CYRIB: variants seen among roughly 807,000 people sequenced by gnomAD.
CYRIB encodes the protein CYFIP-related Rac1 interactor B.
CYRIB carries 8 observed loss-of-function variants against 44.2 expected under a neutral mutation model. That is an observed-to-expected ratio of 0.18 (90% CI 0.11 to 0.33). The LOEUF (loss-of-function observed/expected upper bound fraction) is 0.33. Among genes scored for constraint, CYRIB ranks in the 10% least tolerant of loss-of-function variants. The probability of loss-of-function intolerance (pLI) is 1.00; values close to 1 mark genes in which losing one functional copy is unlikely to be tolerated. For missense variants in CYRIB, 185 were observed against 382.8 expected (o/e 0.48, Z 4.31); for synonymous variants, 131 against 127.2 (o/e 1.03, Z -0.20).
chr8:129,871,650 T>C (rs1301792835), intron 3 of CYRIB, among the ~76,000 whole-genome samples, 154 bp from the exon 6 acceptor site: 1 of 152,216 alleles, frequency 6.6e-6, no homozygotes, highest in Non-Finnish European at 1.5e-5. Context: ...TAATACTTTT[T>C]CCATAGTCCT....
At chr8:129,872,683 T>C (rs959728882) in intron 3 of CYRIB, among the ~76,000 whole-genome samples, 2 of 152,010 alleles carry the variant, frequency 1.3e-5, no homozygotes, top group Non-Finnish European at 2.9e-5. Context: ...AAATTTTCTC[T>C]TATGAGGGAA....
At chr8:129,964,862 C>A (rs925944408) in intron 2 of CYRIB, among the ~76,000 whole-genome samples, 2 of 152,142 alleles carry the variant, frequency 1.3e-5, no homozygotes, top group African/African-American at 4.8e-5. Flanking sequence ...CAAAAGTCTG[C>A]CTCCAAAGAA....
chr8:129,999,270 G>A (rs1298915856), intron 1 of CYRIB, among the ~76,000 whole-genome samples: 4 of 152,152 alleles, frequency 2.6e-5, no homozygotes, highest in African/African-American at 9.7e-5. Context: ...GGGAGGAGCC[G>A]ACCTTAGTCA....
chr8:129,956,333 T>C (rs2094829611), intron 2 of CYRIB, among the ~76,000 whole-genome samples: 2 of 152,182 alleles, frequency 1.3e-5, no homozygotes, highest in African/African-American at 4.8e-5. Flanking sequence ...TAACTTGTCC[T>C]GAACATTAGA....
chr8:129,987,554 GTCTTTTTTTTTT>G (rs1484746124), intron 1 of CYRIB, among the ~76,000 whole-genome samples: 3 of 119,116 alleles, frequency 2.5e-5, no homozygotes, highest in Non-Finnish European at 5.0e-5. Context: ...TCTTTTTCTT[GTCTTTTTTTTTT>G]TCTTTTTTTT....
At chr8:129,996,040 C>G (rs1035011676) in intron 1 of CYRIB, among the ~76,000 whole-genome samples, 13 of 152,232 alleles carry the variant, frequency 8.5e-5, no homozygotes, top group African/African-American at 3.1e-4. Flanking sequence ...TGCCCCTGCT[C>G]TACCCTCCAC....
chr8:129,843,576 G>C (rs183934307), intron 11 of CYRIB, among the ~76,000 whole-genome samples: 2 of 152,158 alleles, frequency 1.3e-5, no homozygotes, highest in African/African-American at 4.8e-5. Context: ...GGACTAGATC[G>C]TTTTTTCTAG....
At chr8:129,921,533 G>A (rs952328153) in intron 1 of CYRIB, among the ~76,000 whole-genome samples, 2 of 152,112 alleles carry the variant, frequency 1.3e-5, no homozygotes, top group African/African-American at 4.8e-5. Context: ...ACAGTTCACA[G>A]CAGCCTTAAT....
intron 1 of CYRIB, among the ~76,000 whole-genome samples, chr8:129,935,276 T>C (rs940477435): frequency 1.4e-4 from 22 of 152,208 alleles, no homozygotes; most frequent in African/African-American, 5.3e-4. Flanking sequence ...TTGGAAGGAA[T>C]AAATATTCTA....
At chr8:129,957,071 G>A (rs2094893427) in intron 2 of CYRIB, among the ~76,000 whole-genome samples, 1 of 151,822 alleles carries the variant, frequency 6.6e-6, no homozygotes, top group South Asian at 2.1e-4. Flanking sequence ...TGTGTTGCTA[G>A]GACTGACCTC....
intron 1 of CYRIB, among the ~76,000 whole-genome samples, chr8:129,997,478 G>T (rs548088626): frequency 6.6e-6 from 1 of 152,206 alleles, no homozygotes; most frequent in African/African-American, 2.4e-5. Context: ...ATAAAATCAC[G>T]GGAAAATGCT....
chr8:129,883,865 A>T (rs1198065586), intron 2 of CYRIB, among the ~76,000 whole-genome samples: 1 of 152,192 alleles, frequency 6.6e-6, no homozygotes, highest in Non-Finnish European at 1.5e-5. Context: ...GTTAATAATA[A>T]GCACCACATT....
In CYRIB at chr8:129,893,164, C is replaced by T. The variant is rs151074512; in HGVS notation, c.-11+10148G>A. ...CCTCTTTCTAATACACATGCTACAACGCATGGATGATCAGTTTTTTAAAAT... is the reference window on the plus strand; with the variant it reads ...CCTCTTTCTAATACACATGCTACAATGCATGGATGATCAGTTTTTTAAAAT... On this transcript the variant is annotated intron_variant, in intron 2 of 11. Coordinates refer to ENST00000519824, the Ensembl canonical transcript of CYRIB. Among the ~76,000 whole-genome samples the T allele has an allele frequency of 4.9e-3, 745 of 152,322 alleles. 1 individual carries two copies. The highest frequency in any genetic ancestry group is 8.9e-3 in the Non-Finnish European group (607 of 68,026).
intron 2 of CYRIB, among the ~76,000 whole-genome samples, chr8:129,953,055 T>C (rs10216656): frequency 0.02 from 3,109 of 152,282 alleles, 102 homozygotes; most frequent in African/African-American, 0.068. Context: ...GGCATTTTCA[T>C]TAGCCAACTG....
At chr8:129,964,310 C>A (rs559891732) in intron 2 of CYRIB, among the ~76,000 whole-genome samples, 11 of 152,236 alleles carry the variant, frequency 7.2e-5, no homozygotes, top group Non-Finnish European at 1.6e-4. Flanking sequence ...ATCAGCAATT[C>A]ATGTGGTCCA....
chr8:129,998,279 C>T (rs940598125), intron 1 of CYRIB, among the ~76,000 whole-genome samples: 1 of 152,146 alleles, frequency 6.6e-6, no homozygotes, highest in African/African-American at 2.4e-5. Flanking sequence ...ACACTACGTC[C>T]TTCCAAGTCG....
At chr8:129,846,912 T>G (rs754999228) in intron 10 of CYRIB, 38 bp from the exon 13 acceptor site, 3 of 1,268,868 alleles carry the variant, frequency 2.4e-6, no homozygotes, top group Non-Finnish European at 3.3e-6. Context: ...AAACAGCCAT[T>G]TTTTTCATGT....
chr8:129,997,007 A>C (rs891748799), intron 1 of CYRIB, among the ~76,000 whole-genome samples: 4 of 145,102 alleles, frequency 2.8e-5, no homozygotes, highest in African/African-American at 1.0e-4. Context: ...CCATCATGAA[A>C]TGGTGTTATG....
chr8:129,871,731 AGTTT>A (rs905198651), intron 3 of CYRIB, among the ~76,000 whole-genome samples: 1 of 152,208 alleles, frequency 6.6e-6, no homozygotes, highest in Non-Finnish European at 1.5e-5. Context: ...TTATTAACTT[AGTTT>A]AAGTTCCAAA....
Sources: gnomAD v4.1 joint callset for allele counts (sites outside exome capture counted in the v4.1 genomes callset) on GRCh38, gnomAD v4.1.1 for gene constraint, MANE v1.5 for transcripts, NCBI Gene and HGNC (gene_info 2026-07-23, HGNC 2026-07-21) for gene names.